The following CPQ variants were observed in gnomAD, a reference collection of about 807,000 sequenced individuals.
The protein encoded by CPQ is Ser-Met dipeptidase.
CPQ carries 37 observed loss-of-function variants against 45.7 expected under a neutral mutation model. That is an observed-to-expected ratio of 0.81 (90% CI 0.62 to 1.07). CPQ has a LOEUF of 1.07. Ranked by LOEUF, CPQ falls within the 50% of genes least tolerant of loss-of-function variation. The pLI is 0.00. For synonymous variants in CPQ, 186 were observed against 205.8 expected (o/e 0.90, Z 0.82); for missense variants, 537 against 572.9 (o/e 0.94, Z 0.64).
chr8:97,085,819 C>G (rs910248113), intron 7 of CPQ, among the ~76,000 whole-genome samples: 1 of 152,068 alleles, frequency 6.6e-6, no homozygotes. Flanking sequence ...GAGGCTAAAG[C>G]CAATTGTGGT....
intron 4 of CPQ, among the ~76,000 whole-genome samples, chr8:96,926,665 ATTCTTC>A (rs747687059): frequency 1.0e-5 from 1 of 96,284 alleles, no homozygotes; most frequent in Non-Finnish European, 2.1e-5. Flanking sequence ...CCTTCTCCCT[ATTCTTC>A]TTCTTCTTCT....
intron 6 of CPQ, among the ~76,000 whole-genome samples, chr8:97,060,610 T>C (rs1810534385): frequency 6.6e-6 from 1 of 152,186 alleles, no homozygotes; most frequent in African/African-American, 2.4e-5. Context: ...TCCTCTTCTA[T>C]GTGCCTCAGC....
At chr8:96,655,103 T>C (rs115657629) in intron 1 of CPQ, among the ~76,000 whole-genome samples, 1,792 of 152,272 alleles carry the variant, frequency 0.012, 42 homozygotes, top group African/African-American at 0.039. Flanking sequence ...TGGTGATTTT[T>C]TTTAATTCCC....
intron 5 of CPQ, among the ~76,000 whole-genome samples, chr8:97,017,906 G>GCCA (rs1427810521): frequency 6.6e-6 from 1 of 152,086 alleles, no homozygotes; most frequent in African/African-American, 2.4e-5. Context: ...TCTTGAATGT[G>GCCA]CCACCTCCCA....
At chr8:96,885,778 G>A (rs1193227653) in intron 4 of CPQ, among the ~76,000 whole-genome samples, 1 of 152,158 alleles carries the variant, frequency 6.6e-6, no homozygotes, top group Non-Finnish European at 1.5e-5. Flanking sequence ...AACTAGGTCA[G>A]GAGATGGAGA....
intron 1 of CPQ, among the ~76,000 whole-genome samples, chr8:96,711,693 C>T (rs1481790586): frequency 1.3e-5 from 2 of 152,048 alleles, no homozygotes; most frequent in Admixed American, 1.3e-4. Flanking sequence ...GGTAACTGCC[C>T]CCATGATTCA....
chr8:97,042,636 T>A (rs1810150556), intron 6 of CPQ, among the ~76,000 whole-genome samples: 1 of 151,836 alleles, frequency 6.6e-6, no homozygotes, highest in Non-Finnish European at 1.5e-5. Context: ...GCTATAAATT[T>A]CCCTCTACAC....
At chr8:97,043,641 T>C (rs912255129) in intron 6 of CPQ, among the ~76,000 whole-genome samples, 10 of 152,210 alleles carry the variant, frequency 6.6e-5, no homozygotes, top group African/African-American at 2.4e-4. Flanking sequence ...TTCCTTTCCA[T>C]GTTTAGTGCT....
chr8:97,067,888 C>A (rs1000790105), intron 7 of CPQ, among the ~76,000 whole-genome samples: 1 of 152,192 alleles, frequency 6.6e-6, no homozygotes, highest in South Asian at 2.1e-4. Flanking sequence ...TATATAGAAT[C>A]ATTTGTATGA....
chr8:96,834,879 G>A (rs1020129937), intron 2 of CPQ, 94 bp from the exon 3 acceptor site: 1 of 1,054,178 alleles, frequency 9.5e-7, no homozygotes. Flanking sequence ...TTTGCCAGAT[G>A]TAGCAGAAAG....
chr8:96,727,309 G>A (rs779470472), intron 1 of CPQ, among the ~76,000 whole-genome samples: 4 of 152,160 alleles, frequency 2.6e-5, no homozygotes, highest in Middle Eastern at 3.4e-3. Context: ...TTCCCATTTC[G>A]TTTTCACTGG....
intron 5 of CPQ, among the ~76,000 whole-genome samples, chr8:96,989,833 A>G (rs1422215738): frequency 1.3e-5 from 2 of 152,166 alleles, no homozygotes; most frequent in East Asian, 3.9e-4. Flanking sequence ...GGGGAATCTC[A>G]AAGATTGCCT....
At chr8:96,849,482 A>G (rs1811743154) in intron 3 of CPQ, among the ~76,000 whole-genome samples, 1 of 152,226 alleles carries the variant, frequency 6.6e-6, no homozygotes, top group Non-Finnish European at 1.5e-5. Context: ...TCCTGTACCA[A>G]GATGGAAACA....
chr8:96,830,345 A>T (rs1039090184), intron 2 of CPQ, among the ~76,000 whole-genome samples: 4 of 152,100 alleles, frequency 2.6e-5, no homozygotes, highest in African/African-American at 9.7e-5. Flanking sequence ...GGAAGAATCA[A>T]ATCAGGAGAG....
chr8:97,059,561 C>G (rs1810511597), intron 6 of CPQ, among the ~76,000 whole-genome samples: 1 of 151,714 alleles, frequency 6.6e-6, no homozygotes, highest in Admixed American at 6.6e-5. Flanking sequence ...GTAGATCTGA[C>G]CAGAAAATAA....
intron 4 of CPQ, among the ~76,000 whole-genome samples, chr8:96,883,092 T>A (rs1435425324): frequency 6.6e-6 from 1 of 152,254 alleles, no homozygotes; most frequent in African/African-American, 2.4e-5. Flanking sequence ...GTATCCATGT[T>A]GTTGATTCAG....
intron 1 of CPQ, among the ~76,000 whole-genome samples, chr8:96,706,214 A>G (rs1344591670): frequency 7.9e-5 from 12 of 152,074 alleles, no homozygotes; most frequent in Non-Finnish European, 1.2e-4. Flanking sequence ...GTGGAATTTT[A>G]TGATTACTTG....
At chr8:97,108,338 T>C (rs1010265344) in intron 7 of CPQ, among the ~76,000 whole-genome samples, 3 of 152,228 alleles carry the variant, frequency 2.0e-5, no homozygotes, top group Non-Finnish European at 4.4e-5. Flanking sequence ...CAGCTCCTAC[T>C]GGCCTTTTGA....
intron 7 of CPQ, among the ~76,000 whole-genome samples, chr8:97,104,396 A>G (rs1811366154): frequency 6.6e-6 from 1 of 152,154 alleles, no homozygotes; most frequent in South Asian, 2.1e-4. Flanking sequence ...AACTGACCTC[A>G]GCTGATTTGG....
Sources: allele counts gnomAD v4.1 joint callset (sites outside exome capture counted in the v4.1 genomes callset), GRCh38; gene constraint gnomAD v4.1.1; transcripts MANE v1.5; gene names NCBI Gene and HGNC (gene_info 2026-07-23, HGNC 2026-07-21).